PIK3CG: variants seen among roughly 807,000 people sequenced by gnomAD.
The protein encoded by PIK3CG is phosphatidylinositol-4,5-bisphosphate 3-kinase catalytic subunit gamma.
In PIK3CG, 55 loss-of-function variants were observed where a neutral mutation model predicts 102.3. The observed-to-expected ratio is 0.54, with a 90% confidence interval of 0.43 to 0.67. The LOEUF is 0.67. Ranked by LOEUF, PIK3CG falls within the 30% of genes least tolerant of loss-of-function variation. PIK3CG has a pLI of 0.00. For synonymous variants in PIK3CG, 552 were observed against 540.0 expected, an observed-to-expected ratio of 1.02 and a Z score of -0.31; for missense variants, 1,258 against 1,391.8, an observed-to-expected ratio of 0.90 and a Z score of 1.53.
intron 9 of PIK3CG, among the ~76,000 whole-genome samples, chr7:106,885,669 C>T (rs1025954468): frequency 2.6e-5 from 4 of 152,064 alleles, no homozygotes; most frequent in Non-Finnish European, 5.9e-5. Flanking sequence ...TATCATGCTG[C>T]CCAAGTTTCT....
At chr7:106,889,806 T>G (rs1327680650) in intron 10 of PIK3CG, among the ~76,000 whole-genome samples, 2 of 152,150 alleles carry the variant, frequency 1.3e-5, no homozygotes, top group Non-Finnish European at 2.9e-5. Context: ...CCTAGGACCA[T>G]AGTCACACTT....
intron 7 of PIK3CG, 54 bp downstream of exon 7, chr7:106,882,261 A>T (rs2116539252): frequency 1.2e-6 from 1 of 821,518 alleles, no homozygotes; most frequent in Non-Finnish European, 1.9e-6. Context: ...TGAAAAGATT[A>T]TAATTCCTTC....
rs949826970 is a variant in PIK3CG at position 106,893,554 on chromosome 7, A to G, written c.3030+7262A>G. Among the ~76,000 whole-genome samples, 2 of 152,236 alleles carry G rather than the reference A, an allele frequency of 1.3e-5. No individual in the cohort carries two copies. Among genetic ancestry groups the G allele is most frequent in the African/African-American group, 4.8e-5 (2 of 41,462 alleles). On this transcript the variant is annotated intron_variant, in intron 10 of 10. Coordinates refer to ENST00000496166, the MANE Select transcript of PIK3CG (RefSeq NM_001282426.2). The surrounding 1 kb of genome is among the most constrained non-coding windows in gnomAD (Gnocchi z 4.4). Reference sequence around the variant, plus strand: ...AATATTGTCAGGGACATTGTTTACCATATTACAAAACATACTCTCTCTATT... The same window carrying G: ...AATATTGTCAGGGACATTGTTTACCGTATTACAAAACATACTCTCTCTATT...
At chr7:106,900,717 G>A (rs911334859) in intron 10 of PIK3CG, among the ~76,000 whole-genome samples, 1 of 152,182 alleles carries the variant, frequency 6.6e-6, no homozygotes, top group African/African-American at 2.4e-5. Flanking sequence ...TCTATATTTA[G>A]TGTTCCTTTC....
chr7:106,872,142 T>G lies in PIK3CG; in HGVS notation c.1996-395T>G, dbSNP rs1790552673. Reference sequence around the variant, plus strand: ...ACTATATCTCCACTGTCCATTTTCTTTCTCACATTCTCTCTTACCTTCCAC... The same window carrying G: ...ACTATATCTCCACTGTCCATTTTCTGTCTCACATTCTCTCTTACCTTCCAC... On this transcript the variant is annotated intron_variant, in intron 2 of 10. Transcript: ENST00000496166. This position sits in a 1 kb window ranked among gnomAD's most constrained non-coding sequence, Gnocchi z 5.3. Among the ~76,000 whole-genome samples the G allele has an allele frequency of 1.3e-5, 2 of 152,222 alleles. No individual in the cohort carries two copies.
In PIK3CG at chr7:106,869,186, G is replaced by C. The variant is rs151218078; in HGVS notation, c.1625G>C (p.Arg542Pro). 1 of 1,614,174 alleles carries C rather than the reference G, an allele frequency of 6.2e-7. No homozygotes were observed. The highest frequency in any genetic ancestry group is 1.7e-5 in the Admixed American group (1 of 60,030). The change falls in exon 2 of 11, where the codon CGG becomes CCG. Residue 542 changes from arginine to proline, a missense_variant. By Grantham distance (103) the Arg-to-Pro change is moderately radical. Transcript: ENST00000496166. The surrounding 1 kb of genome is among the most constrained non-coding windows in gnomAD (Gnocchi z 5.3). The stretch of plus-strand genomic sequence containing the variant: ...CCCACCCCTGACCCGGAAGGGGACC[G>C]GGTTCGAGCAGAAATGCCCAACCAG... ...HQPTPDPEGD[R>P]VRAEMPNQLR... is the part of the protein sequence containing the mutation.
chr7:106,890,492 G>A lies in PIK3CG; in HGVS notation c.3030+4200G>A, dbSNP rs1469374611. On this transcript the variant is annotated intron_variant, in intron 10 of 10. Coordinates refer to ENST00000496166, the MANE Select transcript of PIK3CG (RefSeq NM_001282426.2). This position sits in a 1 kb window ranked among gnomAD's most constrained non-coding sequence, Gnocchi z 4.2. ...CAGCGTGCCCAGCCCCGAATGTGTT[G>A]TTTTTTAAAATTTTAAAACTAGTAA... 6.6e-6 allele frequency among the ~76,000 whole-genome samples: 1 copy of A among 152,142 alleles called. No individual in the cohort carries two copies. The highest frequency in any genetic ancestry group is 1.5e-5 in the Non-Finnish European group (1 of 68,030).
rs769600096 is a variant in PIK3CG, at chr7:106,872,529, T to G, written c.1996-8T>G. On this transcript the variant is annotated splice_region_variant and splice_polypyrimidine_tract_variant and intron_variant, in intron 2 of 10. Coordinates refer to ENST00000496166, the MANE Select transcript of PIK3CG (RefSeq NM_001282426.2). The surrounding 1 kb of genome is among the most constrained non-coding windows in gnomAD (Gnocchi z 5.3). ...AGTCCTACAAATGCCAATGTGTTCT[T>G]CCTTTAGGCTGTGAAATTTGAACCA... The G allele has an allele frequency of 6.2e-7, 1 of 1,611,454 alleles. No homozygotes were observed. Among genetic ancestry groups the G allele is most frequent in the South Asian group, 1.1e-5 (1 of 91,036 alleles).
intron 2 of PIK3CG, among the ~76,000 whole-genome samples, chr7:106,870,123 G>C (rs562291817): frequency 4.7e-4 from 71 of 152,256 alleles, no homozygotes; most frequent in African/African-American, 1.6e-3. Context: ...TCCTTCATCA[G>C]TCTGGTGTCA....
intron 4 of PIK3CG, among the ~76,000 whole-genome samples, chr7:106,873,340 T>G (rs1584323358): frequency 6.6e-6 from 1 of 152,214 alleles, no homozygotes; most frequent in East Asian, 1.9e-4. Context: ...TTTTTGGCAT[T>G]TCTTCATCTA....
At chr7:106,904,741 AT>A (rs1251306253) in intron 10 of PIK3CG, among the ~76,000 whole-genome samples, 1 of 152,226 alleles carries the variant, frequency 6.6e-6, no homozygotes, top group Non-Finnish European at 1.5e-5. Flanking sequence ...TTACACTTAC[AT>A]AAAGTTTATT....
intron 5 of PIK3CG, among the ~76,000 whole-genome samples, chr7:106,878,868 C>A (rs2116518165): frequency 6.6e-6 from 1 of 152,332 alleles, no homozygotes; most frequent in South Asian, 2.1e-4. Flanking sequence ...GTGTTTGCTT[C>A]TTTAAATGAC....
At chr7:106,878,675 A>G (rs1347511588) in intron 5 of PIK3CG, among the ~76,000 whole-genome samples, 1 of 152,168 alleles carries the variant, frequency 6.6e-6, no homozygotes, top group Non-Finnish European at 1.5e-5. Flanking sequence ...CTAGTTGTTT[A>G]TGGCAGGACG....
Position 106,905,057 on chromosome 7 carries a change from A to G in PIK3CG, c.3031-52A>G. 1.3e-6 allele frequency: 2 copies of G among 1,499,640 alleles called. No homozygotes were observed. The highest frequency in any genetic ancestry group is 1.8e-6 in the Non-Finnish European group (2 of 1,089,476). The allele number at this position is 1,499,640 out of a possible 1,614,324, so 92.9% of individuals were successfully genotyped here. ...AGTACATCCCTGTAATCTTCAGCCT[A>G]CTTGTTAGTTACCATAACAACAGTA... On this transcript the variant is annotated intron_variant, in intron 10 of 10. Coordinates refer to ENST00000496166, the MANE Select transcript of PIK3CG (RefSeq NM_001282426.2). The surrounding 1 kb of genome is among the most constrained non-coding windows in gnomAD (Gnocchi z 5.6).
Position 106,868,086 on chromosome 7 carries a change from C to A in PIK3CG, c.525C>A (p.Phe175Leu), listed in dbSNP as rs569878043. ...VSNVHDDELE[F>L]TRRGLVTPRM... Reference sequence around the variant, plus strand: ...ACGTGCACGACGATGAGCTGGAGTTCACGCGCCGTGGCTTGGTGACCCCGC... The same window carrying A: ...ACGTGCACGACGATGAGCTGGAGTTAACGCGCCGTGGCTTGGTGACCCCGC... Residue 175 changes from phenylalanine (F) to leucine (L), a missense_variant, in exon 2 of 11, where the codon TTC becomes TTA. Transcript: ENST00000496166. This position sits in a 1 kb window ranked among gnomAD's most constrained non-coding sequence, Gnocchi z 6.2. 4 of 1,612,836 alleles carry A rather than the reference C, an allele frequency of 2.5e-6. No individual in the cohort carries two copies. The highest frequency in any genetic ancestry group is 3.4e-6 in the Non-Finnish European group (4 of 1,179,322).
rs917725576 is a variant in PIK3CG, at chr7:106,865,380, A to G, written c.-59A>G. ...GTTTGAATTTGTTTTGTTTTCAAAA[A>G]TTAAACAAATGATCCTTCAGCATCA... On this transcript the variant is annotated 5_prime_UTR_variant, in exon 1 of 11. Coordinates refer to ENST00000496166, the MANE Select transcript of PIK3CG (RefSeq NM_001282426.2). 1.3e-5 allele frequency: 2 copies of G among 152,226 alleles called. No homozygotes were observed. Among genetic ancestry groups the G allele is most frequent in the Non-Finnish European group, 2.9e-5 (2 of 68,044 alleles). The allele number at this position is 152,226 out of a possible 1,614,324, so 9.4% of individuals were successfully genotyped here.
chr7:106,866,202 T>C (rs1332122314), intron 1 of PIK3CG, among the ~76,000 whole-genome samples: 1 of 152,238 alleles, frequency 6.6e-6, no homozygotes. Flanking sequence ...AGTCTAACAT[T>C]AGTTATTTAA....
rs1396233454 is a variant in PIK3CG at position 106,872,437 on chromosome 7, A to G, written c.1996-100A>G. 4 of 897,118 alleles carry G rather than the reference A, an allele frequency of 4.5e-6. No homozygotes were observed. Among genetic ancestry groups the G allele is most frequent in the Non-Finnish European group, 7.3e-6 (4 of 547,854 alleles). 55.6% of individuals were successfully genotyped at this position (897,118 alleles called of 1,614,324 possible). A position where few individuals can be genotyped will look rare whatever the true frequency, so the allele number is the denominator to read the frequency against. ...AAGATTTTCATCTTTCTAGCCGTGA[A>G]GACCCAGTAAAGCAGAGCACCAGTT... On this transcript the variant is annotated intron_variant, in intron 2 of 10. Transcript: ENST00000496166. This position sits in a 1 kb window ranked among gnomAD's most constrained non-coding sequence, Gnocchi z 5.3.
chr7:106,896,564 A>G (rs998925460), intron 10 of PIK3CG, among the ~76,000 whole-genome samples: 1 of 152,162 alleles, frequency 6.6e-6, no homozygotes, highest in African/African-American at 2.4e-5. Context: ...TGAGCAAAAG[A>G]AAATAATTTC....
Sources: allele counts gnomAD v4.1 joint callset (sites outside exome capture counted in the v4.1 genomes callset), GRCh38; gene constraint gnomAD v4.1.1; non-coding constraint Gnocchi (gnomAD v3.1); transcripts MANE v1.5; gene names NCBI Gene and HGNC (gene_info 2026-07-23, HGNC 2026-07-21).